Variants in FRMD4A observed in about 807,000 individuals in gnomAD.
The protein encoded by FRMD4A is FERM domain-containing protein 4A.
Under a neutral mutation model 129.1 loss-of-function variants are expected in FRMD4A, and 29 were observed. The observed-to-expected ratio is 0.22, with a 90% CI of 0.17 to 0.31. FRMD4A has a LOEUF of 0.31. Ranked by LOEUF, FRMD4A falls within the 10% of genes least tolerant of loss-of-function variation. The probability of loss-of-function intolerance (pLI) is 1.00; values close to 1 mark genes in which losing one functional copy is unlikely to be tolerated. For synonymous variants in FRMD4A, 634 were observed against 571.6 expected (o/e 1.11, Z -1.56); for missense variants, 1,272 against 1,375.8 (o/e 0.92, Z 1.19).
chr10:14,058,360 A>T (rs1280248895), intron 2 of FRMD4A, among the ~76,000 whole-genome samples: 4 of 152,196 alleles, frequency 2.6e-5, no homozygotes, highest in African/African-American at 9.6e-5. Context: ...CAAAATATTC[A>T]TTTCTCATCC....
intron 2 of FRMD4A, among the ~76,000 whole-genome samples, chr10:13,885,468 C>T (rs1447907788): frequency 6.6e-6 from 1 of 152,186 alleles, no homozygotes; most frequent in African/African-American, 2.4e-5. Context: ...GAGGCAGGGA[C>T]ACCAGCCTTG....
At chr10:13,962,792 G>A (rs536070219) in intron 2 of FRMD4A, among the ~76,000 whole-genome samples, 2 of 152,206 alleles carry the variant, frequency 1.3e-5, no homozygotes, top group Non-Finnish European at 2.9e-5. Flanking sequence ...TATGGCGGGA[G>A]AGACAGAACC....
intron 12 of FRMD4A, among the ~76,000 whole-genome samples, chr10:13,717,710 T>TTC (rs2088967603): frequency 8.2e-5 from 7 of 85,520 alleles, no homozygotes; most frequent in Non-Finnish European, 1.2e-4. Flanking sequence ...TTTTTTTTTT[T>TTC]CCAGGGGTGG....
intron 2 of FRMD4A, among the ~76,000 whole-genome samples, chr10:13,934,587 G>A (rs751792565): frequency 6.6e-6 from 1 of 152,090 alleles, no homozygotes. Flanking sequence ...AAGACTGAAG[G>A]TTCCTTAGGG....
chr10:14,110,399 G>T (rs185034140), intron 2 of FRMD4A, among the ~76,000 whole-genome samples: 3 of 152,112 alleles, frequency 2.0e-5, no homozygotes, highest in Non-Finnish European at 4.4e-5. Flanking sequence ...TGGAAACGGG[G>T]GTGCTGACAC....
intron 2 of FRMD4A, among the ~76,000 whole-genome samples, chr10:14,093,397 G>A (rs370696534): frequency 1.2e-4 from 18 of 152,308 alleles, no homozygotes; most frequent in African/African-American, 4.3e-4. Context: ...GGAAAACATT[G>A]AGTTTAAAAG....
intron 2 of FRMD4A, among the ~76,000 whole-genome samples, chr10:13,879,045 C>T (rs1195203213): frequency 6.6e-6 from 1 of 152,036 alleles, no homozygotes; most frequent in African/African-American, 2.4e-5. Flanking sequence ...GATGGTTTCC[C>T]AGGTATAGTC....
intron 2 of FRMD4A, chr10:14,008,415 C>T: frequency 9.7e-7 from 1 of 1,026,034 alleles, no homozygotes; most frequent in Non-Finnish European, 1.2e-6. Context: ...CTCTAGCTTT[C>T]TTCCATCTGT....
intron 12 of FRMD4A, among the ~76,000 whole-genome samples, chr10:13,722,505 C>G (rs1235936910): frequency 6.6e-6 from 1 of 151,982 alleles, no homozygotes; most frequent in East Asian, 1.9e-4. Context: ...CTCAATCTCC[C>G]AAACTGTTGA....
intron 2 of FRMD4A, among the ~76,000 whole-genome samples, chr10:14,030,793 T>C (rs907411504): frequency 1.3e-5 from 2 of 152,218 alleles, no homozygotes; most frequent in Non-Finnish European, 2.9e-5. Context: ...TTTGTGTAGA[T>C]GGCTTACACA....
chr10:14,265,630 T>C (rs1205636025), intron 2 of FRMD4A, among the ~76,000 whole-genome samples: 1 of 152,246 alleles, frequency 6.6e-6, no homozygotes, highest in Non-Finnish European at 1.5e-5. Context: ...TCTAGTGATT[T>C]CTGATTATCC....
chr10:14,193,956 T>C (rs1434089268), intron 2 of FRMD4A, among the ~76,000 whole-genome samples: 1 of 152,198 alleles, frequency 6.6e-6, no homozygotes, highest in African/African-American at 2.4e-5. Flanking sequence ...ATACAAACTA[T>C]GGAAATTCCC....
At chr10:14,168,848 G>T (rs2131881963) in intron 2 of FRMD4A, among the ~76,000 whole-genome samples, 1 of 152,306 alleles carries the variant, frequency 6.6e-6, no homozygotes, top group South Asian at 2.1e-4. Flanking sequence ...GAATCTGAAT[G>T]CAGGTAGTCT....
chr10:13,776,933 A>G (rs1425659349), intron 6 of FRMD4A, among the ~76,000 whole-genome samples: 1 of 152,240 alleles, frequency 6.6e-6, no homozygotes. Context: ...TCTAAATCCA[A>G]CGAGCTAATC....
intron 6 of FRMD4A, among the ~76,000 whole-genome samples, chr10:13,777,875 T>C (rs1167244445): frequency 7.0e-6 from 1 of 143,648 alleles, no homozygotes; most frequent in Admixed American, 7.8e-5. Context: ...CTCGGCTTAC[T>C]GCAACCTCAG....
chr10:13,653,662 T>C (rs1262212901), intron 23 of FRMD4A, among the ~76,000 whole-genome samples: 1 of 152,132 alleles, frequency 6.6e-6, no homozygotes, highest in East Asian at 1.9e-4. Context: ...CCTCCTTAAC[T>C]CCTCTAACCA....
intron 15 of FRMD4A, chr10:13,685,263 G>A: frequency 1.0e-6 from 1 of 985,138 alleles, no homozygotes; most frequent in Non-Finnish European, 1.2e-6. Flanking sequence ...AGCACCTTTT[G>A]ATGGTGGCTG....
At chr10:14,312,753 C>A (rs1846597789) in intron 2 of FRMD4A, among the ~76,000 whole-genome samples, 1 of 152,136 alleles carries the variant, frequency 6.6e-6, no homozygotes, top group Non-Finnish European at 1.5e-5. Flanking sequence ...GCAGTCCCAG[C>A]TAATCAGGAG....
intron 6 of FRMD4A, among the ~76,000 whole-genome samples, chr10:13,777,196 C>T (rs1449111807): frequency 6.6e-6 from 1 of 152,244 alleles, no homozygotes; most frequent in African/African-American, 2.4e-5. Flanking sequence ...TACACTGACA[C>T]AGGTTACACA....
Sources: gnomAD v4.1 joint callset for allele counts (sites outside exome capture counted in the v4.1 genomes callset) on GRCh38, gnomAD v4.1.1 for gene constraint, MANE v1.5 for transcripts, NCBI Gene and HGNC (gene_info 2026-07-23, HGNC 2026-07-21) for gene names.